PDE3A: variants seen among roughly 807,000 people sequenced by gnomAD.
PDE3A encodes phosphodiesterase 3A, also known as cGMP-inhibited 3',5'-cyclic phosphodiesterase 3A.
Under a neutral mutation model 98.3 loss-of-function variants are expected in PDE3A, and 43 were observed. The ratio of observed to expected loss-of-function variants is 0.44; its 90% CI spans 0.34 to 0.56. The LOEUF is 0.56. Among genes scored for constraint, PDE3A ranks in the 20% least tolerant of loss-of-function variants. The pLI is 0.01. For synonymous variants in PDE3A, 663 were observed against 567.9 expected, an observed-to-expected ratio of 1.17 and a Z score of -2.38; for missense variants, 1,427 against 1,440.7, an observed-to-expected ratio of 0.99 and a Z score of 0.15.
At chr12:20,646,398 T>C in intron 10 of PDE3A, 92 bp from the exon 11 acceptor site, 1 of 716,718 alleles carries the variant, frequency 1.4e-6, no homozygotes, top group Non-Finnish European at 2.5e-6. Flanking sequence ...AGTAAAATGT[T>C]AGGACTAAAC....
intron 1 of PDE3A, among the ~76,000 whole-genome samples, chr12:20,553,570 C>G (rs1324437286): frequency 6.9e-6 from 1 of 143,920 alleles, no homozygotes; most frequent in Non-Finnish European, 1.5e-5. Flanking sequence ...CATCTCGGGC[C>G]TAGTTCAAAC....
chr12:20,377,694 C>T (rs568242325), intron 1 of PDE3A, among the ~76,000 whole-genome samples: 1 of 151,698 alleles, frequency 6.6e-6, no homozygotes, highest in Non-Finnish European at 1.5e-5. Context: ...GTCTATTTGC[C>T]CTTTTTTCTT....
At chr12:20,527,523 C>G (rs982601324) in intron 1 of PDE3A, among the ~76,000 whole-genome samples, 1 of 152,158 alleles carries the variant, frequency 6.6e-6, no homozygotes, top group African/African-American at 2.4e-5. Context: ...TGGGTCCTCT[C>G]TCCTCCCAAC....
intron 1 of PDE3A, among the ~76,000 whole-genome samples, chr12:20,408,177 C>G (rs544746968): frequency 9.9e-5 from 15 of 152,046 alleles, no homozygotes; most frequent in African/African-American, 3.1e-4. Context: ...CTTCAGCCCC[C>G]GAAAGTGTTG....
Position 20,650,563 on chromosome 12 carries a change from A to G in PDE3A, c.2888A>G (p.Gln963Arg). 1.2e-6 allele frequency: 2 copies of G among 1,610,884 alleles called. No homozygotes were observed. Among genetic ancestry groups the G allele is most frequent in the South Asian group, 2.2e-5 (2 of 90,958 alleles). Residue 963 changes from glutamine (Q) to arginine (R), a missense_variant, in exon 14 of 16, where the codon CAG (glutamine) becomes CGG (arginine). Physicochemically the swap from Gln to Arg is conservative, Grantham distance 43. Transcript: ENST00000359062. ...GCTAAATGTAAAGAACTCCATCTTC[A>G]GTGGACAGATGGTATTGTCAATGAA... ...GPAKCKELHL[Q>R]WTDGIVNEFY...
At chr12:20,619,748 T>C (rs1429982887) in intron 4 of PDE3A, among the ~76,000 whole-genome samples, 1 of 152,104 alleles carries the variant, frequency 6.6e-6, no homozygotes, top group Non-Finnish European at 1.5e-5. Flanking sequence ...CTGAAGGTCA[T>C]ACCACATTTC....
chr12:20,639,223 AT>A (rs756943517), intron 9 of PDE3A, among the ~76,000 whole-genome samples: 3 of 152,046 alleles, frequency 2.0e-5, no homozygotes, highest in African/African-American at 7.2e-5. Context: ...GCTACAAAAT[AT>A]TTTCTAAGAG....
At chr12:20,519,812 C>T (rs1271301276) in intron 1 of PDE3A, among the ~76,000 whole-genome samples, 1 of 152,130 alleles carries the variant, frequency 6.6e-6, no homozygotes, top group Non-Finnish European at 1.5e-5. Context: ...AGGCTGCCAT[C>T]AGGGAAATGA....
intron 1 of PDE3A, among the ~76,000 whole-genome samples, chr12:20,546,059 C>T (rs975199305): frequency 9.2e-5 from 14 of 151,952 alleles, no homozygotes; most frequent in African/African-American, 3.4e-4. Context: ...GTTTTACCCA[C>T]ACGAGGCTGA....
intron 1 of PDE3A, among the ~76,000 whole-genome samples, chr12:20,418,246 A>C (rs1367269140): frequency 1.3e-5 from 2 of 152,102 alleles, no homozygotes; most frequent in Non-Finnish European, 1.5e-5. Context: ...ATCAATCCTA[A>C]ATGTGTCGGG....
At chr12:20,412,309 G>A (rs767911135) in intron 1 of PDE3A, among the ~76,000 whole-genome samples, 105 of 152,116 alleles carry the variant, frequency 6.9e-4, no homozygotes, top group Non-Finnish European at 4.0e-4. Context: ...AGCTTTTATT[G>A]CATGATTGCC....
At chr12:20,507,507 A>G (rs781360182) in intron 1 of PDE3A, among the ~76,000 whole-genome samples, 2 of 152,064 alleles carry the variant, frequency 1.3e-5, no homozygotes, top group Non-Finnish European at 1.5e-5. Context: ...TCATATCGAC[A>G]GCTTCCCCTC....
intron 6 of PDE3A, among the ~76,000 whole-genome samples, chr12:20,632,038 C>G (rs963806501): frequency 7.9e-5 from 12 of 152,130 alleles, no homozygotes; most frequent in Admixed American, 5.9e-4. Context: ...GGCATGAGAG[C>G]TGGCATATTT....
intron 1 of PDE3A, among the ~76,000 whole-genome samples, chr12:20,527,973 G>A (rs566532373): frequency 6.6e-5 from 10 of 151,776 alleles, no homozygotes; most frequent in African/African-American, 1.2e-4. Flanking sequence ...CTGTCTACCC[G>A]GCTGTAAGTG....
At chr12:20,637,895 A>C (rs1944554804) in intron 9 of PDE3A, among the ~76,000 whole-genome samples, 1 of 152,168 alleles carries the variant, frequency 6.6e-6, no homozygotes. Flanking sequence ...AAAATGATGG[A>C]TTTGCTGTAC....
chr12:20,646,745 TCTC>T lies in PDE3A; in HGVS notation c.2366-5_2366-3del, dbSNP rs1944786375. 1 of 1,587,840 alleles carries T rather than the reference TCTC, an allele frequency of 6.3e-7. No homozygotes were observed. The highest frequency in any genetic ancestry group is 8.6e-7 in the Non-Finnish European group (1 of 1,156,434). Reference sequence around the variant, plus strand: ...AACTTCTTTGACTCTCATTTTCTCTTCTCAGATTCTGACAGTGGATTTACACAT... The same window carrying T: ...AACTTCTTTGACTCTCATTTTCTCTTAGATTCTGACAGTGGATTTACACAT... On this transcript the variant is annotated splice_region_variant and splice_polypyrimidine_tract_variant and intron_variant, in intron 11 of 15. Transcript: ENST00000359062.
intron 2 of PDE3A, among the ~76,000 whole-genome samples, chr12:20,565,030 A>G (rs1429821498): frequency 6.6e-6 from 1 of 152,138 alleles, no homozygotes; most frequent in Non-Finnish European, 1.5e-5. Context: ...ATATTTTGAG[A>G]GAGAAATAAA....
chr12:20,554,647 C>A lies in PDE3A; in HGVS notation c.961-2013C>A, dbSNP rs12322550. ...TGTCATTCAGGCTGGAGTGCAGCAG[C>A]GCGATCTCAGCTCACTGCAATCTTG... On this transcript the variant is annotated intron_variant, in intron 1 of 15. Transcript: ENST00000359062. Among the ~76,000 whole-genome samples the A allele has an allele frequency of 5.2e-3, 791 of 151,382 alleles. 7 individuals carry two copies. The highest frequency in any genetic ancestry group is 0.018 in the African/African-American group (761 of 41,250).
chr12:20,409,298 T>A (rs1468026639), intron 1 of PDE3A, among the ~76,000 whole-genome samples: 1 of 152,204 alleles, frequency 6.6e-6, no homozygotes, highest in Non-Finnish European at 1.5e-5. Flanking sequence ...TTTTTAAAAT[T>A]CTATTTGAGC....
Sources: gnomAD v4.1 joint callset for allele counts (sites outside exome capture counted in the v4.1 genomes callset) on GRCh38, gnomAD v4.1.1 for gene constraint, MANE v1.5 for transcripts, NCBI Gene and HGNC (gene_info 2026-07-23, HGNC 2026-07-21) for gene names.